Variants in CENPP observed in about 807,000 individuals in gnomAD.
CENPP encodes centromere protein P.
Under a neutral mutation model 35.6 loss-of-function variants are expected in CENPP, and 24 were observed. The ratio of observed to expected loss-of-function variants is 0.67; its 90% CI spans 0.49 to 0.95. The LOEUF (loss-of-function observed/expected upper bound fraction) is 0.95, where lower values mean the gene tolerates loss of function less well. Among genes scored for constraint, CENPP ranks in the 40% least tolerant of loss-of-function variants. The probability of loss-of-function intolerance (pLI) is 0.00; values close to 1 mark genes in which losing one functional copy is unlikely to be tolerated. For missense variants in CENPP, 332 were observed against 345.3 expected, an observed-to-expected ratio of 0.96 and a Z score of 0.31; for synonymous variants, 120 against 125.5, an observed-to-expected ratio of 0.96 and a Z score of 0.29.
intron 5 of CENPP, among the ~76,000 whole-genome samples, chr9:92,605,796 T>C (rs1851061763): frequency 6.6e-6 from 1 of 152,136 alleles, no homozygotes; most frequent in African/African-American, 2.4e-5. Context: ...AGAAAAAACT[T>C]AAATTGGATT....
At chr9:92,522,837 A>G in intron 5 of CENPP, 1 of 1,608,162 alleles carries the variant, frequency 6.2e-7, no homozygotes. Flanking sequence ...TGATAAGCAG[A>G]AAAAAACAAA....
intron 5 of CENPP, among the ~76,000 whole-genome samples, chr9:92,454,831 G>A (rs1336425393): frequency 6.6e-6 from 1 of 152,110 alleles, no homozygotes; most frequent in African/African-American, 2.4e-5. Context: ...TGCAACCCGG[G>A]ACACTGCTGG....
chr9:92,582,270 C>T (rs1850445154), intron 5 of CENPP, among the ~76,000 whole-genome samples: 1 of 152,112 alleles, frequency 6.6e-6, no homozygotes, highest in Non-Finnish European at 1.5e-5. Flanking sequence ...GTTGCCCAGG[C>T]TGGTCTCGAA....
chr9:92,450,090 T>A (rs1233887948), intron 5 of CENPP, among the ~76,000 whole-genome samples: 2 of 151,256 alleles, frequency 1.3e-5, no homozygotes, highest in South Asian at 2.1e-4. Flanking sequence ...ATTCTTTCTT[T>A]TTATTATTAT....
intron 5 of CENPP, chr9:92,389,803 T>A (rs1049311902): frequency 8.2e-7 from 1 of 1,216,316 alleles, no homozygotes; most frequent in Non-Finnish European, 1.2e-6. Context: ...TTCTCTTTTA[T>A]CTATCATATC....
At chr9:92,506,930 C>G (rs1018671649) in intron 5 of CENPP, among the ~76,000 whole-genome samples, 1 of 152,012 alleles carries the variant, frequency 6.6e-6, no homozygotes, top group African/African-American at 2.4e-5. Flanking sequence ...TATTTAGAGA[C>G]AGAGTCTTGC....
intron 5 of CENPP, among the ~76,000 whole-genome samples, chr9:92,448,348 C>T (rs1844605698): frequency 6.6e-6 from 1 of 151,662 alleles, no homozygotes; most frequent in Non-Finnish European, 1.5e-5. Context: ...CTGCTGACTG[C>T]AGCCTCTGCC....
intron 5 of CENPP, among the ~76,000 whole-genome samples, chr9:92,533,829 ATTAT>A (rs1466570535): frequency 6.6e-6 from 1 of 152,084 alleles, no homozygotes; most frequent in African/African-American, 2.4e-5. Context: ...ATATTTGTCC[ATTAT>A]TTCTTATATT....
At chr9:92,607,156 T>C (rs1851104078) in intron 5 of CENPP, among the ~76,000 whole-genome samples, 2 of 152,146 alleles carry the variant, frequency 1.3e-5, no homozygotes, top group Admixed American at 1.3e-4. Context: ...CTATGATTCA[T>C]TAGAGTAAAT....
At chr9:92,468,950 AATGAT>A (rs1845412315) in intron 5 of CENPP, among the ~76,000 whole-genome samples, 1 of 152,242 alleles carries the variant, frequency 6.6e-6, no homozygotes, top group African/African-American at 2.4e-5. Context: ...GTAATAAAAT[AATGAT>A]ATGATGAATT....
At chr9:92,348,194 A>G (rs755785564) in intron 4 of CENPP, among the ~76,000 whole-genome samples, 4 of 150,978 alleles carry the variant, frequency 2.6e-5, no homozygotes, top group Non-Finnish European at 4.4e-5. Flanking sequence ...CCCGACCTCA[A>G]ATGATCCACC....
At chr9:92,567,383 T>TATATATATATATATATAGATATATAG (rs1564005533) in intron 5 of CENPP, among the ~76,000 whole-genome samples, 2 of 94,642 alleles carry the variant, frequency 2.1e-5, no homozygotes, top group African/African-American at 1.1e-4. Flanking sequence ...GATATATATA[T>TATATATATATATATATAGATATATAG]ATATATATAT....
intron 5 of CENPP, chr9:92,456,582 C>T (rs1243029887): frequency 6.6e-6 from 1 of 151,452 alleles, no homozygotes; most frequent in African/African-American, 2.4e-5. Flanking sequence ...TTTTATGAAA[C>T]ACTACACGTT....
intron 5 of CENPP, among the ~76,000 whole-genome samples, chr9:92,389,321 A>G (rs1465607471): frequency 6.6e-6 from 1 of 152,206 alleles, no homozygotes; most frequent in Non-Finnish European, 1.5e-5. Flanking sequence ...TTGAATTGTT[A>G]AGAAATGTAT....
chr9:92,518,135 TGTATCC>T (rs1230568565), intron 5 of CENPP, among the ~76,000 whole-genome samples: 1 of 152,196 alleles, frequency 6.6e-6, no homozygotes, highest in Non-Finnish European at 1.5e-5. Context: ...GCTTCCATTT[TGTATCC>T]ATCAGGATAG....
At chr9:92,543,471 C>CAAAA (rs71362401) in intron 5 of CENPP, among the ~76,000 whole-genome samples, 5 of 44,530 alleles carry the variant, frequency 1.1e-4, no homozygotes, top group African/African-American at 1.9e-4. Context: ...AACCCTGTCT[C>CAAAA]AAAAAAAAAA....
At chr9:92,603,527 T>C (rs906359542) in intron 5 of CENPP, among the ~76,000 whole-genome samples, 2 of 152,164 alleles carry the variant, frequency 1.3e-5, no homozygotes, top group African/African-American at 4.8e-5. Context: ...AACAGACATG[T>C]CTCTGCTACT....
intron 4 of CENPP, among the ~76,000 whole-genome samples, chr9:92,367,074 A>G (rs541572909): frequency 6.6e-6 from 1 of 152,344 alleles, no homozygotes; most frequent in East Asian, 1.9e-4. Context: ...ACAAGAAATC[A>G]TATCAGATTC....
At chr9:92,356,376 C>T (rs1014335650) in intron 4 of CENPP, among the ~76,000 whole-genome samples, 3 of 152,100 alleles carry the variant, frequency 2.0e-5, no homozygotes, top group African/African-American at 2.4e-5. Flanking sequence ...TCTTTTTGCC[C>T]GACCCCACAG....
Sources: gnomAD v4.1 joint callset for allele counts (sites outside exome capture counted in the v4.1 genomes callset) on GRCh38, gnomAD v4.1.1 for gene constraint, MANE v1.5 for transcripts, NCBI Gene and HGNC (gene_info 2026-07-23, HGNC 2026-07-21) for gene names.